The following TBC1D8B variants were observed in gnomAD, a reference collection of about 807,000 sequenced individuals.
TBC1D8B encodes TBC1 domain family member 8B.
In TBC1D8B, 75 loss-of-function variants were observed where a neutral mutation model predicts 82.9. The ratio of observed to expected loss-of-function variants is 0.90; its 90% CI spans 0.75 to 1.10. The LOEUF is 1.10. Among genes scored for constraint, TBC1D8B ranks in the 50% least tolerant of loss-of-function variants. The probability of loss-of-function intolerance (pLI) is 0.00; values close to 1 mark genes in which losing one functional copy is unlikely to be tolerated. For synonymous variants in TBC1D8B, 276 were observed against 276.8 expected (o/e 1.00, Z 0.03); for missense variants, 794 against 796.9 (o/e 1.00, Z 0.04).
chrX:106,853,191 A>G (rs989678688), intron 12 of TBC1D8B, among the ~76,000 whole-genome samples: 7 of 110,007 alleles, frequency 6.4e-5, no homozygotes, highest in Non-Finnish European at 1.3e-4. Flanking sequence ...AAGCAATTGT[A>G]AATGGGAGTT....
chrX:106,866,149 G>T (rs1355593623), intron 16 of TBC1D8B, 116 bp downstream of exon 16: 2 of 703,073 alleles, frequency 2.8e-6, no homozygotes, highest in Non-Finnish European at 4.1e-6. Flanking sequence ...TTTAGCTTTA[G>T]TAATAAATGG....
chrX:106,827,481 C>A, intron 7 of TBC1D8B, 144 bp downstream of exon 7: 1 of 581,804 alleles, frequency 1.7e-6, no homozygotes, highest in Non-Finnish European at 2.7e-6. Context: ...ATTATATTGT[C>A]TAACTCACAT....
In TBC1D8B at chrX:106,840,778, G is replaced by A. The variant is rs780095720; in HGVS notation, c.1613G>A (p.Arg538His). ...ATEEIERDLR[R>H]SLPEHPAFQS... ...GAAGAAATTGAACGTGATTTACGTCGCTCTCTGCCTGAGCACCCAGCCTTT... is the reference window on the plus strand; with the variant it reads ...GAAGAAATTGAACGTGATTTACGTCACTCTCTGCCTGAGCACCCAGCCTTT... Residue 538 changes from arginine (R) to histidine (H), a missense_variant, in exon 10 of 21, where the codon CGC (arginine) becomes CAC (histidine). Arg to His is a conservative substitution (Grantham distance 29, BLOSUM62 0). Coordinates refer to ENST00000357242, the MANE Select transcript of TBC1D8B (RefSeq NM_017752.3). The A allele has an allele frequency of 1.6e-5, 19 of 1,209,055 alleles. No individual in the cohort carries two copies. Among genetic ancestry groups the A allele is most frequent in the Admixed American group, 1.1e-4 (5 of 45,659 alleles).
chrX:106,820,365 T>G (rs1282412648), intron 2 of TBC1D8B, among the ~76,000 whole-genome samples: 3 of 111,382 alleles, frequency 2.7e-5, no homozygotes, highest in Non-Finnish European at 3.8e-5. Flanking sequence ...TGAATGGGGT[T>G]GCTCTGAGCA....
intron 9 of TBC1D8B, 77 bp from the exon 10 acceptor site, chrX:106,840,593 C>T: frequency 1.1e-6 from 1 of 923,487 alleles, no homozygotes; most frequent in East Asian, 3.1e-5. Flanking sequence ...GTAATGAAAT[C>T]CAATTATTTA....
At chrX:106,856,478 T>A (rs1474079302) in intron 14 of TBC1D8B, among the ~76,000 whole-genome samples, 2 of 111,035 alleles carry the variant, frequency 1.8e-5, no homozygotes, top group Non-Finnish European at 3.8e-5. Context: ...ATTGCTTTTT[T>A]AACATTTAGA....
At chrX:106,807,681 T>C (rs764760291) in intron 1 of TBC1D8B, among the ~76,000 whole-genome samples, 1 of 110,883 alleles carries the variant, frequency 9.0e-6, no homozygotes, top group South Asian at 3.8e-4. Flanking sequence ...GAGAACGAAA[T>C]GTTCCAGGGA....
Position 106,853,622 on chromosome X carries a change from T to A in TBC1D8B, c.2225T>A (p.Ile742Asn). 8.3e-7 allele frequency: 1 copy of A among 1,209,004 alleles called. No homozygotes were observed. The highest frequency in any genetic ancestry group is 1.1e-6 in the Non-Finnish European group (1 of 893,425). ...DEKTSHTRVD[I>N]TDLIRESNEK... ...AAAACCAGTCATACTAGAGTGGATA[T>A]TACAGATTTGATTAGAGAATCAAAT... Residue 742 changes from isoleucine (I) to asparagine (N), a missense_variant, in exon 13 of 21, where the codon ATT becomes AAT. Ile to Asn is a moderately radical substitution (Grantham distance 149, BLOSUM62 -3). Transcript: ENST00000357242.
At chrX:106,864,722 T>C (rs1569456075) in intron 14 of TBC1D8B, among the ~76,000 whole-genome samples, 1 of 110,746 alleles carries the variant, frequency 9.0e-6, no homozygotes, top group Non-Finnish European at 1.9e-5. Flanking sequence ...TTTCACCAAG[T>C]TGGCCAGGCT....
chrX:106,811,926 T>A (rs1196015056), intron 1 of TBC1D8B, among the ~76,000 whole-genome samples: 1 of 111,597 alleles, frequency 9.0e-6, no homozygotes, highest in Non-Finnish European at 1.9e-5. Flanking sequence ...GTTTGTTATA[T>A]CAATTGCTTC....
intron 7 of TBC1D8B, among the ~76,000 whole-genome samples, chrX:106,837,631 T>C (rs941569241): frequency 1.1e-4 from 12 of 111,538 alleles, no homozygotes; most frequent in Non-Finnish European, 2.3e-4. Context: ...ATACTTTCTG[T>C]CCTCTAATAA....
chrX:106,823,493 C>G (rs1401223195), intron 5 of TBC1D8B, 27 bp downstream of exon 5: 2 of 1,188,171 alleles, frequency 1.7e-6, no homozygotes, highest in Non-Finnish European at 2.3e-6. Flanking sequence ...TTTTAGTTTT[C>G]AAAGTATTGT....
At chrX:106,850,348 T>G in intron 12 of TBC1D8B, 38 bp downstream of exon 12, 1 of 1,122,364 alleles carries the variant, frequency 8.9e-7, no homozygotes, top group East Asian at 3.1e-5. Context: ...CTGGAGGAGA[T>G]TTGAGAGATG....
chrX:106,872,494 T>C (rs1932856699), intron 20 of TBC1D8B, among the ~76,000 whole-genome samples: 1 of 99,203 alleles, frequency 1.0e-5, no homozygotes, highest in African/African-American at 3.9e-5. Context: ...TATATGGAAT[T>C]CAGGATTAAA....
chrX:106,818,737 A>G lies in TBC1D8B; in HGVS notation c.205A>G (p.Thr69Ala). 8.3e-7 allele frequency: 1 copy of G among 1,207,388 alleles called. No homozygotes were observed. The highest frequency in any genetic ancestry group is 1.1e-6 in the Non-Finnish European group (1 of 892,923). The change falls in exon 2 of 21, where the codon ACA (threonine) becomes GCA (alanine). Residue 69 changes from threonine (T) to alanine (A), a missense_variant. Physicochemically the swap from Thr to Ala is moderately conservative, Grantham distance 58. Transcript: ENST00000357242. ...AGCTCCATTTCGCATCCTACACCAG[A>G]CACCAGATTCTCAAGTTTACTTGTC... ...KVAPFRILHQTPDSQVYLSIA... is the reference protein window; with the variant it reads ...KVAPFRILHQAPDSQVYLSIA...
At chrX:106,840,543 T>C in intron 9 of TBC1D8B, 127 bp from the exon 10 acceptor site, 3 of 617,691 alleles carry the variant, frequency 4.9e-6, no homozygotes, top group Non-Finnish European at 7.5e-6. Flanking sequence ...CTTTTCTGTT[T>C]GTGCTCAGAA....
At chrX:106,858,596 A>C (rs1421615748) in intron 14 of TBC1D8B, among the ~76,000 whole-genome samples, 1 of 112,119 alleles carries the variant, frequency 8.9e-6, no homozygotes, top group African/African-American at 3.2e-5. Context: ...TTAACTTCCT[A>C]TGGATTCTGG....
chrX:106,806,526 C>T (rs1282650491), intron 1 of TBC1D8B, among the ~76,000 whole-genome samples: 1 of 111,680 alleles, frequency 9.0e-6, no homozygotes, highest in East Asian at 2.8e-4. Flanking sequence ...AACTACTACA[C>T]GAATGGAGCT....
intron 7 of TBC1D8B, chrX:106,828,105 G>A (rs770927148): frequency 1.8e-5 from 2 of 110,654 alleles, no homozygotes; most frequent in South Asian, 3.8e-4. Context: ...ATGATAAAGG[G>A]GATATCACGA....
Sources: gnomAD v4.1 joint callset for allele counts (sites outside exome capture counted in the v4.1 genomes callset) on GRCh38, gnomAD v4.1.1 for gene constraint, MANE v1.5 for transcripts, NCBI Gene and HGNC (gene_info 2026-07-23, HGNC 2026-07-21) for gene names.